ZFHX3: variants seen among roughly 807,000 people sequenced by gnomAD.
ZFHX3 encodes the protein zinc finger homeobox protein 3.
ZFHX3 carries 42 observed loss-of-function variants against 279.1 expected under a neutral mutation model. The observed-to-expected ratio is 0.15, with a 90% CI of 0.12 to 0.19. ZFHX3 has a LOEUF of 0.19. ZFHX3 is among the 10% of genes least tolerant of loss of function. The pLI, the probability that ZFHX3 is intolerant of heterozygous loss-of-function variation, is 1.00. For synonymous variants in ZFHX3, 2,293 were observed against 1,957.8 expected, an observed-to-expected ratio of 1.17 and a Z score of -4.52; for missense variants, 4,981 against 4,754.0, an observed-to-expected ratio of 1.05 and a Z score of -1.40.
At chr16:73,271,538 G>A (rs1215589111) in intron 4 of ZFHX3, among the ~76,000 whole-genome samples, 1 of 152,146 alleles carries the variant, frequency 6.6e-6, no homozygotes, top group East Asian at 1.9e-4. Flanking sequence ...ATCCCACCTC[G>A]GCCACTGACC....
rs548883841 is a variant in ZFHX3, at chr16:73,573,251, C to G, written c.-1547+106929G>C. Among the ~76,000 whole-genome samples the G allele has an allele frequency of 5.9e-5, 9 of 152,240 alleles. No homozygotes were observed. In the East Asian group the frequency reaches 1.5e-3, roughly 26 times the overall value. ...TTCACTCGTGCTCTGACACAGAAGA[C>G]CCTCACCACCCTCCCCAGTGTGAAC... On this transcript the variant is annotated intron_variant, in intron 2 of 17. Transcript: ENST00000641206.
intron 1 of ZFHX3, among the ~76,000 whole-genome samples, chr16:72,991,061 T>C (rs1374125679): frequency 2.2e-5 from 3 of 135,294 alleles, no homozygotes; most frequent in Non-Finnish European, 4.7e-5. Flanking sequence ...GTATGTACTG[T>C]ATAGCATTAG....
At chr16:73,684,476 C>A (rs188554087) in intron 1 of ZFHX3, among the ~76,000 whole-genome samples, 69 of 151,944 alleles carry the variant, frequency 4.5e-4, no homozygotes, top group Middle Eastern at 3.4e-3. Context: ...ATCCTAGAAG[C>A]CAAATCAAAA....
In ZFHX3 at chr16:73,047,149, C is replaced by T. The variant is rs141724691; in HGVS notation, c.-50+603G>A. On this transcript the variant is annotated intron_variant, in intron 1 of 9. Coordinates refer to ENST00000268489, the MANE Select transcript of ZFHX3 (RefSeq NM_006885.4). ...TTTTGTTGTTATTGTTTTTCTGCTA[C>T]TGACCTAAACATAGGCATTCCTCCT... Among the ~76,000 whole-genome samples the T allele has an allele frequency of 2.8e-3, 426 of 152,334 alleles. 1 individual carries two copies. Among genetic ancestry groups the T allele is most frequent in the Middle Eastern group, 0.01 (3 of 294 alleles).
chr16:72,902,145 G>T (rs919199066), intron 3 of ZFHX3, among the ~76,000 whole-genome samples: 3 of 152,172 alleles, frequency 2.0e-5, no homozygotes, highest in Non-Finnish European at 2.9e-5. Flanking sequence ...AGAGGCAATC[G>T]TTTTCAACCA....
chr16:72,916,121 G>A (rs1289206643), intron 3 of ZFHX3, among the ~76,000 whole-genome samples: 2 of 152,198 alleles, frequency 1.3e-5, no homozygotes, highest in Non-Finnish European at 2.9e-5. Flanking sequence ...AGAAAAGAGA[G>A]CAGTGAATCA....
chr16:73,591,134 C>T (rs996731125), intron 2 of ZFHX3, among the ~76,000 whole-genome samples: 4 of 151,834 alleles, frequency 2.6e-5, no homozygotes, highest in South Asian at 2.1e-4. Context: ...GGGCAGATCA[C>T]GAGGTTAGGA....
intron 6 of ZFHX3, among the ~76,000 whole-genome samples, chr16:73,132,997 G>C (rs769356313): frequency 5.3e-5 from 8 of 152,190 alleles, no homozygotes; most frequent in Admixed American, 1.3e-4. Context: ...TGAGTGGAAG[G>C]CCAGCTGCTC....
chr16:72,888,925 A>C (rs73590755), intron 4 of ZFHX3, among the ~76,000 whole-genome samples: 2,402 of 152,248 alleles, frequency 0.016, 54 homozygotes, highest in African/African-American at 0.055. Flanking sequence ...TTTCTTGGAA[A>C]GTTTTGGTTT....
At chr16:72,866,407 G>A (rs1427517136) in intron 4 of ZFHX3, among the ~76,000 whole-genome samples, 2 of 152,170 alleles carry the variant, frequency 1.3e-5, no homozygotes, top group Non-Finnish European at 2.9e-5. Flanking sequence ...GTGCAATTGG[G>A]AGCCCCTGAA....
intron 1 of ZFHX3, among the ~76,000 whole-genome samples, chr16:73,683,016 A>G (rs1051163235): frequency 3.4e-5 from 5 of 147,796 alleles, no homozygotes; most frequent in African/African-American, 9.9e-5. Context: ...AGAAAGAGAA[A>G]GGAGGGAGGG....
In ZFHX3 at chr16:72,786,275, C is replaced by G. The variant is rs1437004770; in HGVS notation, c.*889G>C. On this transcript the variant is annotated 3_prime_UTR_variant, in exon 10 of 10. Transcript: ENST00000268489. ...TTTTTTTCCTTTTAAATCTACCATACTGCTTCAGTTCATTTCCAATGCAAC... is the reference window on the plus strand; with the variant it reads ...TTTTTTTCCTTTTAAATCTACCATAGTGCTTCAGTTCATTTCCAATGCAAC... 1 of 150,250 alleles carries G rather than the reference C, an allele frequency of 6.7e-6. No homozygotes were observed. Among genetic ancestry groups the G allele is most frequent in the African/African-American group, 2.5e-5 (1 of 40,590 alleles). 9.3% of individuals were successfully genotyped at this position (150,250 alleles called of 1,614,324 possible).
intron 1 of ZFHX3, among the ~76,000 whole-genome samples, chr16:72,983,293 G>A (rs531172523): frequency 9.8e-4 from 150 of 152,298 alleles, no homozygotes; most frequent in Non-Finnish European, 1.5e-3. Context: ...CCAATTCATG[G>A]AATGAGGTAA....
In ZFHX3 at chr16:72,788,686, TG is replaced by T; in HGVS notation, c.9589del (p.Gln3197SerfsTer44). 3 of 1,609,830 alleles carry T rather than the reference TG, an allele frequency of 1.9e-6. No individual in the cohort carries two copies. The highest frequency in any genetic ancestry group is 2.2e-5 in the East Asian group (1 of 44,798). ...TMAMGPQQPP[Q>X]QQQQQQQPQV... ...TGGTTGCTGCTGCTGCTGCTGCTGC[TG>T]GGGGGGTTGCTGAGGGCCCATCGCC... On this transcript the variant is annotated frameshift_variant, in exon 10 of 10. Transcript: ENST00000268489. LOFTEE classifies it high-confidence loss of function.
intron 1 of ZFHX3, among the ~76,000 whole-genome samples, chr16:73,032,744 C>T (rs1964752405): frequency 6.6e-6 from 1 of 152,082 alleles, no homozygotes. Context: ...CTTTCTTTTC[C>T]TCCTCCTCCC....
chr16:72,830,902 C>T (rs1031830478), intron 4 of ZFHX3, among the ~76,000 whole-genome samples: 1 of 152,160 alleles, frequency 6.6e-6, no homozygotes, highest in South Asian at 2.1e-4. Flanking sequence ...GGTACACAGG[C>T]GTGAGGGCAA....
At chr16:72,937,605 C>T (rs753954829) in intron 3 of ZFHX3, among the ~76,000 whole-genome samples, 1 of 152,180 alleles carries the variant, frequency 6.6e-6, no homozygotes, top group Non-Finnish European at 1.5e-5. Flanking sequence ...CCATGGAGGA[C>T]CAGGTGACTT....
At chr16:72,839,526 G>C (rs531069716) in intron 4 of ZFHX3, among the ~76,000 whole-genome samples, 16 of 152,054 alleles carry the variant, frequency 1.1e-4, no homozygotes, top group Non-Finnish European at 2.2e-4. Flanking sequence ...AAAAACAAAG[G>C]AGTCAAGAAA....
chr16:73,852,859 T>A (rs13334686), intron 1 of ZFHX3, among the ~76,000 whole-genome samples: 4,326 of 152,052 alleles, frequency 0.028, 210 homozygotes, highest in African/African-American at 0.1. Flanking sequence ...GCAAAGGAAA[T>A]AACAGAGCAA....
Sources: allele counts gnomAD v4.1 joint callset (sites outside exome capture counted in the v4.1 genomes callset), GRCh38; gene constraint gnomAD v4.1.1; transcripts MANE v1.5; gene names NCBI Gene and HGNC (gene_info 2026-07-23, HGNC 2026-07-21).